PHKB: variants seen among roughly 807,000 people sequenced by gnomAD.
PHKB encodes the protein phosphorylase kinase regulatory subunit beta.
Under a neutral mutation model 152.1 loss-of-function variants are expected in PHKB, and 122 were observed. That is an observed-to-expected ratio of 0.80 (90% CI 0.69 to 0.93). The LOEUF is 0.93. Among genes scored for constraint, PHKB ranks in the 40% least tolerant of loss-of-function variants. PHKB has a pLI of 0.00. For missense variants in PHKB, 1,304 were observed against 1,328.4 expected (o/e 0.98, Z 0.29); for synonymous variants, 436 against 464.9 (o/e 0.94, Z 0.80).
intron 7 of PHKB, among the ~76,000 whole-genome samples, chr16:47,557,309 G>T (rs1198303293): frequency 3.3e-5 from 5 of 152,160 alleles, no homozygotes; most frequent in Admixed American, 6.5e-5. Flanking sequence ...TTACCATTCA[G>T]GACATAGGCA....
chr16:47,533,491 C>T (rs373372623), intron 6 of PHKB, among the ~76,000 whole-genome samples: 5 of 152,178 alleles, frequency 3.3e-5, no homozygotes, highest in African/African-American at 4.8e-5. Flanking sequence ...AGTGCCAGGC[C>T]GCCCTCAACC....
chr16:47,597,025 C>T (rs1972132491), intron 13 of PHKB, among the ~76,000 whole-genome samples: 2 of 152,050 alleles, frequency 1.3e-5, no homozygotes, highest in Non-Finnish European at 2.9e-5. Context: ...TTTTCATCTT[C>T]TCCTACAACT....
chr16:47,668,497 C>T (rs1423469803), intron 25 of PHKB, among the ~76,000 whole-genome samples: 1 of 152,098 alleles, frequency 6.6e-6, no homozygotes, highest in Non-Finnish European at 1.5e-5. Context: ...CTGCAGAGTC[C>T]CCTGGGAGAA....
At chr16:47,529,853 C>T (rs904984506) in intron 6 of PHKB, 1 of 152,070 alleles carries the variant, frequency 6.6e-6, no homozygotes, top group Non-Finnish European at 1.5e-5. Context: ...AGTGTTTAAT[C>T]TTAGAAATGC....
intron 1 of PHKB, among the ~76,000 whole-genome samples, chr16:47,485,555 C>A (rs896047035): frequency 2.6e-5 from 4 of 152,134 alleles, no homozygotes; most frequent in African/African-American, 9.7e-5. Context: ...CAAAAGTTTC[C>A]TGAACACTGC....
chr16:47,550,369 T>C (rs1971250221), intron 7 of PHKB, among the ~76,000 whole-genome samples: 1 of 152,242 alleles, frequency 6.6e-6, no homozygotes, highest in Non-Finnish European at 1.5e-5. Context: ...TATTCTTTAC[T>C]GTTTAGTGCA....
chr16:47,677,680 CTG>C (rs1420835854), intron 26 of PHKB, among the ~76,000 whole-genome samples: 1 of 152,148 alleles, frequency 6.6e-6, no homozygotes, highest in African/African-American at 2.4e-5. Context: ...TACCATCACA[CTG>C]GAGTTAGGGC....
Position 47,503,011 on chromosome 16 carries a change from G to A in PHKB, c.326G>A (p.Gly109Glu), listed in dbSNP as rs1004472405. 6.2e-7 allele frequency: 1 copy of A among 1,612,860 alleles called. No individual in the cohort carries two copies. ...CCCAGGCGAATTGATGATGACAAGG[G>A]AAGGACCCATGAGCTGGAGCACTCA... is the stretch of plus-strand genomic sequence containing the variant. ...LAYRRIDDDK[G>E]RTHELEHSAI... Residue 109 changes from glycine (G) to glutamate (E), a missense_variant, in exon 4 of 31, where the codon GGA (glycine) becomes GAA (glutamate). Physicochemically the swap from Gly to Glu is moderately conservative, Grantham distance 98. Transcript: ENST00000323584.
At chr16:47,629,084 G>A (rs904544552) in intron 14 of PHKB, among the ~76,000 whole-genome samples, 11 of 152,128 alleles carry the variant, frequency 7.2e-5, no homozygotes, top group Admixed American at 3.9e-4. Flanking sequence ...AAGAAAACCT[G>A]GGCATTACCA....
intron 16 of PHKB, among the ~76,000 whole-genome samples, chr16:47,647,323 C>G (rs568099042): frequency 6.6e-6 from 1 of 152,102 alleles, no homozygotes; most frequent in South Asian, 2.1e-4. Context: ...CGGGTTTCAC[C>G]ATGTCGGCCA....
Position 47,693,419 on chromosome 16 carries a change from G to C in PHKB, c.2807G>C (p.Arg936Thr). Residue 936 changes from arginine (R) to threonine (T), a missense_variant, in exon 28 of 31, where the codon AGA becomes ACA. Arg to Thr is a moderately conservative substitution (Grantham distance 71, BLOSUM62 -1). Coordinates refer to ENST00000323584, the MANE Select transcript of PHKB (RefSeq NM_000293.3). Reference sequence around the variant, plus strand: ...CGTCAGATCGATGGGTCTTTGAATAGAACTCCCACCGGGTTCTATGACCGA... The same window carrying C: ...CGTCAGATCGATGGGTCTTTGAATACAACTCCCACCGGGTTCTATGACCGA... Reference protein sequence around the residue: ...NRRQIDGSLNRTPTGFYDRVW... With the variant: ...NRRQIDGSLNTTPTGFYDRVW... 1 of 1,613,970 alleles carries C rather than the reference G, an allele frequency of 6.2e-7. No individual in the cohort carries two copies.
At chr16:47,687,703 C>G (rs1973989219) in intron 26 of PHKB, among the ~76,000 whole-genome samples, 1 of 152,136 alleles carries the variant, frequency 6.6e-6, no homozygotes, top group Non-Finnish European at 1.5e-5. Flanking sequence ...CCCTTATAAT[C>G]CATCTCAGTG....
At chr16:47,554,356 C>A (rs191553781) in intron 7 of PHKB, among the ~76,000 whole-genome samples, 1 of 152,124 alleles carries the variant, frequency 6.6e-6, no homozygotes, top group Non-Finnish European at 1.5e-5. Context: ...TAATGGTGTA[C>A]GCCCCTTTCC....
chr16:47,548,221 A>C (rs375917622), intron 7 of PHKB: 1 of 152,466 alleles, frequency 6.6e-6, no homozygotes, highest in African/African-American at 2.4e-5. Context: ...ATATAGTTCA[A>C]TAAGTCCTAT....
intron 1 of PHKB, among the ~76,000 whole-genome samples, chr16:47,477,204 C>T (rs1969883587): frequency 1.3e-5 from 2 of 152,158 alleles, no homozygotes. Context: ...ACATTTTATA[C>T]AGGCTTCTTT....
chr16:47,630,184 A>G (rs182392140), intron 14 of PHKB, among the ~76,000 whole-genome samples: 61 of 152,224 alleles, frequency 4.0e-4, no homozygotes, highest in African/African-American at 1.3e-3. Flanking sequence ...AAAAAAAAAG[A>G]ACTAAAGAAT....
intron 26 of PHKB, among the ~76,000 whole-genome samples, chr16:47,681,086 G>A (rs556672532): frequency 1.3e-5 from 2 of 152,278 alleles, no homozygotes; most frequent in Non-Finnish European, 2.9e-5. Context: ...GGGTTTGAGT[G>A]AGTTTCTTAA....
chr16:47,572,394 C>T (rs1971676348), intron 7 of PHKB, among the ~76,000 whole-genome samples: 1 of 152,176 alleles, frequency 6.6e-6, no homozygotes, highest in African/African-American at 2.4e-5. Context: ...GACTCCAGCC[C>T]TCTCCCTGTA....
At chr16:47,476,365 CTT>C in intron 1 of PHKB, among the ~76,000 whole-genome samples, 1 of 152,116 alleles carries the variant, frequency 6.6e-6, no homozygotes, top group South Asian at 2.1e-4. Flanking sequence ...CAGAGATCCT[CTT>C]GTTTGGTTAT....
Sources: gnomAD v4.1 joint callset for allele counts (sites outside exome capture counted in the v4.1 genomes callset) on GRCh38, gnomAD v4.1.1 for gene constraint, MANE v1.5 for transcripts, NCBI Gene and HGNC (gene_info 2026-07-23, HGNC 2026-07-21) for gene names.